The following SFXN3 variants were observed in gnomAD, a reference collection of about 807,000 sequenced individuals.
The protein encoded by SFXN3 is sideroflexin 3.
A neutral mutation model predicts 40.4 loss-of-function variants in SFXN3; 31 were observed. That is an observed-to-expected ratio of 0.77 (90% CI 0.58 to 1.04). The LOEUF is 1.04. Ranked by LOEUF, SFXN3 falls within the 50% of genes least tolerant of loss-of-function variation. The pLI is 0.00. For synonymous variants in SFXN3, 157 were observed against 160.0 expected, an observed-to-expected ratio of 0.98 and a Z score of 0.14; for missense variants, 366 against 408.2, an observed-to-expected ratio of 0.90 and a Z score of 0.89.
At chr10:101,037,695 G>T in intron 9 of SFXN3, 2 of 1,408,878 alleles carry the variant, frequency 1.4e-6, no homozygotes, top group Non-Finnish European at 1.8e-6. Context: ...CACAGAAGGG[G>T]ACTGTCATAG....
In SFXN3 at chr10:101,039,647, C is replaced by T; in HGVS notation, c.*62C>T. ...GGCTGCTGCTTTAGTGGAGTCATGT[C>T]ACCCCTACCACTTGGCTATCTGCCT... On this transcript the variant is annotated 3_prime_UTR_variant, in exon 12 of 12. Coordinates refer to ENST00000393459, the Ensembl canonical transcript of SFXN3. This position sits in a 1 kb window ranked among gnomAD's most constrained non-coding sequence, Gnocchi z 4.6. The T allele has an allele frequency of 6.7e-7, 1 of 1,491,264 alleles. No individual in the cohort carries two copies. The highest frequency in any genetic ancestry group is 9.4e-7 in the Non-Finnish European group (1 of 1,068,814). The allele number at this position is 1,491,264 out of a possible 1,614,324, so 92.4% of individuals were successfully genotyped here.
chr10:101,035,754 T>C (rs1938566575), intron 4 of SFXN3, 87 bp downstream of exon 4: 2 of 1,505,278 alleles, frequency 1.3e-6, no homozygotes, highest in Non-Finnish European at 1.8e-6. Flanking sequence ...GCCAACTGGG[T>C]GAGTGAAAGA....
In SFXN3 at chr10:101,036,679, C is replaced by T. The variant is rs771772725; in HGVS notation, c.508-44C>T. 2.5e-6 allele frequency: 4 copies of T among 1,605,742 alleles called. No homozygotes were observed. In the Admixed American group the frequency reaches 5.0e-5, roughly 20 times the overall value. ...TATATCTCCCCAGAGTCCCTCACCACCCCATGGCCCTTAGGGCCACTGAAC... is the reference window on the plus strand; with the variant it reads ...TATATCTCCCCAGAGTCCCTCACCATCCCATGGCCCTTAGGGCCACTGAAC... On this transcript the variant is annotated intron_variant, in intron 6 of 11. Coordinates refer to ENST00000393459, the Ensembl canonical transcript of SFXN3. This position sits in a 1 kb window ranked among gnomAD's most constrained non-coding sequence, Gnocchi z 4.2.
rs1938621457 is a variant in SFXN3 at position 101,036,670 on chromosome 10, C to A, written c.508-53C>A. On this transcript the variant is annotated intron_variant, in intron 6 of 11. Transcript: ENST00000393459. This position sits in a 1 kb window ranked among gnomAD's most constrained non-coding sequence, Gnocchi z 4.2. ...TATGCCCCCTATATCTCCCCAGAGT[C>A]CCTCACCACCCCATGGCCCTTAGGG... 1 of 1,606,312 alleles carries A rather than the reference C, an allele frequency of 6.2e-7. No individual in the cohort carries two copies. The highest frequency in any genetic ancestry group is 1.3e-5 in the African/African-American group (1 of 74,780).
chr10:101,036,085 A>G lies in SFXN3; in HGVS notation c.415A>G (p.Thr139Ala). The change falls in exon 5 of 12, where the codon ACT becomes GCT. Residue 139 changes from threonine (T) to alanine (A), a missense_variant. Thr to Ala is a moderately conservative substitution (Grantham distance 58). Coordinates refer to ENST00000393459, the Ensembl canonical transcript of SFXN3. This position sits in a 1 kb window ranked among gnomAD's most constrained non-coding sequence, Gnocchi z 4.2. ...TAACTACTCCAACCGCAGTGGTGAC[A>G]CTCCCATCACTGTGAGGTGAGAGCC... 1.2e-6 allele frequency: 2 copies of G among 1,613,604 alleles called. No homozygotes were observed. The highest frequency in any genetic ancestry group is 1.7e-6 in the Non-Finnish European group (2 of 1,179,848).
intron 2 of SFXN3, 57 bp downstream of exon 2, chr10:101,032,539 G>A (rs376243994): frequency 2.0e-5 from 29 of 1,484,064 alleles, no homozygotes; most frequent in African/African-American, 1.9e-4. Flanking sequence ...AGAGAAGGAG[G>A]CCTGCCTTGA....
At chr10:101,033,709 T>G (rs1016027857) in intron 2 of SFXN3, among the ~76,000 whole-genome samples, 1 of 152,138 alleles carries the variant, frequency 6.6e-6, no homozygotes, top group Non-Finnish European at 1.5e-5. Flanking sequence ...TCCCTCAGTT[T>G]TTATTGATTA....
At chr10:101,037,045 G>A (rs747734047) in intron 7 of SFXN3, 31 bp from the exon 8 acceptor site, 1 of 1,611,976 alleles carries the variant, frequency 6.2e-7, no homozygotes, top group Non-Finnish European at 8.5e-7. Flanking sequence ...TCCGGGGCCT[G>A]TGATCTGACC....
At position 101,039,289 on chromosome 10, in the gene SFXN3, C is replaced by T; in HGVS notation, c.869+67C>T. 6.8e-7 allele frequency: 1 copy of T among 1,465,406 alleles called. No individual in the cohort carries two copies. The highest frequency in any genetic ancestry group is 1.4e-5 in the African/African-American group (1 of 71,590). The allele number at this position is 1,465,406 out of a possible 1,614,324, so 90.8% of individuals were successfully genotyped here. Reference sequence around the variant, plus strand: ...ACTCTGCATCTCTGGACCAGCTGACCTAGGGTCTTCCAGGGTGTTCAGGAG... The same window carrying T: ...ACTCTGCATCTCTGGACCAGCTGACTTAGGGTCTTCCAGGGTGTTCAGGAG... On this transcript the variant is annotated intron_variant, in intron 11 of 11. Coordinates refer to ENST00000393459, the Ensembl canonical transcript of SFXN3. This position sits in a 1 kb window ranked among gnomAD's most constrained non-coding sequence, Gnocchi z 4.6.
At chr10:101,032,192 T>G in intron 1 of SFXN3, 122 bp from the exon 2 acceptor site, 4 of 381,528 alleles carry the variant, frequency 1.0e-5, no homozygotes, top group Non-Finnish European at 9.4e-6. Context: ...CCTCCTCCCT[T>G]TGGCTGGGGA....
rs1192875427 is a variant in SFXN3 at position 101,037,111 on chromosome 10, C to T, written c.629C>T (p.Ala210Val). 3.1e-6 allele frequency: 5 copies of T among 1,613,894 alleles called. No homozygotes were observed. In the African/African-American group the frequency reaches 5.3e-5, roughly 17 times the overall value. Residue 210 changes from alanine (A) to valine (V), a missense_variant, in exon 8 of 12, where the codon GCA becomes GTA. By Grantham distance (64) the Ala-to-Val change is moderately conservative. Transcript: ENST00000393459. ...GTGGGCATCCCGGTGGCTGATGAGG[C>T]AGGTCAGAGGCTTGGCTACTCGGTG...
chr10:101,040,605 T>C (rs914252957), exon 12 of SFXN3: 6 of 138,428 alleles, frequency 4.3e-5, no homozygotes, highest in Non-Finnish European at 6.3e-5. Flanking sequence ...TTTTTTTTAA[T>C]GGAGTTTCAC....
exon 2 of SFXN3, chr10:101,032,339 G>C (rs190763506): frequency 1.8e-6 from 2 of 1,099,480 alleles, no homozygotes; most frequent in Non-Finnish European, 2.5e-6. Context: ...GTGCCCACCG[G>C]GTGGGCGCGG....
At chr10:101,038,387 G>T (rs1938722025) in intron 9 of SFXN3, 1 of 1,398,832 alleles carries the variant, frequency 7.1e-7, no homozygotes, top group Admixed American at 2.9e-5. Context: ...AAAGGGCCAG[G>T]GAGTGCCATG....
At position 101,037,065 on chromosome 10, in the gene SFXN3, C is replaced by T. The variant is rs372399931; in HGVS notation, c.594-11C>T. 3 of 1,613,268 alleles carry T rather than the reference C, an allele frequency of 1.9e-6. No individual in the cohort carries two copies. Among genetic ancestry groups the T allele is most frequent in the East Asian group, 2.2e-5 (1 of 44,882 alleles). Reference sequence around the variant, plus strand: ...GGCCTGTGATCTGACCCCAACCCCCCTCCCTTGCAGAGAGCTGCAGGTGGG... The same window carrying T: ...GGCCTGTGATCTGACCCCAACCCCCTTCCCTTGCAGAGAGCTGCAGGTGGG... On this transcript the variant is annotated splice_polypyrimidine_tract_variant and intron_variant, in intron 7 of 11. Coordinates refer to ENST00000393459, the Ensembl canonical transcript of SFXN3.
chr10:101,039,797 C>G lies in SFXN3; in HGVS notation c.*212C>G. The G allele has an allele frequency of 1.7e-6, 1 of 593,548 alleles. No homozygotes were observed. The highest frequency in any genetic ancestry group is 2.9e-5 in the Admixed American group (1 of 34,196). The allele number at this position is 593,548 out of a possible 1,614,324, so 36.8% of individuals were successfully genotyped here. A position where few individuals can be genotyped will look rare whatever the true frequency, so the allele number is the denominator to read the frequency against. ...TTTCAAAGATCAGAGCACATAACCCCTCCTGTGCTTGAGTGTCCATGCATA... is the reference window on the plus strand; with the variant it reads ...TTTCAAAGATCAGAGCACATAACCCGTCCTGTGCTTGAGTGTCCATGCATA... On this transcript the variant is annotated 3_prime_UTR_variant, in exon 12 of 12. Coordinates refer to ENST00000393459, the Ensembl canonical transcript of SFXN3. The surrounding 1 kb of genome is among the most constrained non-coding windows in gnomAD (Gnocchi z 4.6).
chr10:101,037,288 G>T, intron 8 of SFXN3, 85 bp downstream of exon 8: 1 of 1,613,818 alleles, frequency 6.2e-7, no homozygotes, highest in Non-Finnish European at 8.5e-7. Context: ...ACTCTGGGGA[G>T]AGAGGGAGGA....
intron 2 of SFXN3, among the ~76,000 whole-genome samples, chr10:101,033,960 G>T (rs1938456532): frequency 6.6e-6 from 1 of 152,188 alleles, no homozygotes; most frequent in African/African-American, 2.4e-5. Flanking sequence ...CCATAGGGCG[G>T]TTTTTCTCCT....
exon 10 of SFXN3, chr10:101,038,665 C>G (rs748621691): frequency 6.2e-7 from 1 of 1,613,114 alleles, no homozygotes; most frequent in Non-Finnish European, 8.5e-7. Context: ...CTGGGGGCAC[C>G]CCTGCAGGTG....
Sources: allele counts gnomAD v4.1 joint callset (sites outside exome capture counted in the v4.1 genomes callset), GRCh38; gene constraint gnomAD v4.1.1; non-coding constraint Gnocchi (gnomAD v3.1); transcripts MANE v1.5; gene names NCBI Gene and HGNC (gene_info 2026-07-23, HGNC 2026-07-21).